The following CAST variants were observed in gnomAD, a reference collection of about 807,000 sequenced individuals.
The protein encoded by CAST is calpastatin, also known as MIR583 host.
In CAST, 76 loss-of-function variants were observed where a neutral mutation model predicts 119.6. The observed-to-expected ratio is 0.64, with a 90% CI of 0.53 to 0.77. CAST has a LOEUF of 0.77. Among genes scored for constraint, CAST ranks in the 30% least tolerant of loss-of-function variants. The probability of loss-of-function intolerance (pLI) is 0.00; values close to 1 mark genes in which losing one functional copy is unlikely to be tolerated. For synonymous variants in CAST, 319 were observed against 331.6 expected, an observed-to-expected ratio of 0.96 and a Z score of 0.41; for missense variants, 953 against 946.5, an observed-to-expected ratio of 1.01 and a Z score of -0.09.
Position 96,741,324 on chromosome 5 carries a change from C to A in CAST, c.977C>A (p.Ser326Ter). 6.2e-7 allele frequency: 1 copy of A among 1,612,554 alleles called. No individual in the cohort carries two copies. Among genetic ancestry groups the A allele is most frequent in the South Asian group, 1.1e-5 (1 of 90,976 alleles). The change falls in exon 14 of 32, where the codon TCG (serine) becomes TAG (stop). Residue 326 changes from serine (S) to a stop codon, truncating the protein, a stop_gained. Transcript: ENST00000675179. LOFTEE classifies it high-confidence loss of function. The part of the protein sequence containing the change: ...DALSSDFTCG[S>*]PTAAGKKTEK... Reference sequence around the variant, plus strand: ...TTGTCATCTGACTTCACCTGTGGGTCGCCTACAGCTGCTGGAAAGAAAACT... The same window carrying A: ...TTGTCATCTGACTTCACCTGTGGGTAGCCTACAGCTGCTGGAAAGAAAACT...
chr5:96,414,213 C>T, the CAST span, among the ~76,000 whole-genome samples: 1 of 151,870 alleles, frequency 6.6e-6, no homozygotes, highest in Non-Finnish European at 1.5e-5. Flanking sequence ...ACCCTCTGTG[C>T]CTCAGTTTCT....
intron 1 of CAST, among the ~76,000 whole-genome samples, chr5:96,618,580 C>T (rs980986416): frequency 1.3e-5 from 2 of 152,388 alleles, no homozygotes; most frequent in East Asian, 1.9e-4. Flanking sequence ...CAGGTGGTTG[C>T]GGGCTTGGCA....
chr5:96,578,028 G>C (rs1412046516), intron 1 of CAST, among the ~76,000 whole-genome samples: 1 of 152,042 alleles, frequency 6.6e-6, no homozygotes, highest in Non-Finnish European at 1.5e-5. Flanking sequence ...CTGAGAGAAG[G>C]GTATGGAAGT....
the CAST span, among the ~76,000 whole-genome samples, chr5:96,139,496 A>G: frequency 6.9e-6 from 1 of 145,270 alleles, no homozygotes; most frequent in Non-Finnish European, 1.5e-5. Flanking sequence ...CTTGTAACAT[A>G]TATATATACA....
intron 1 of CAST, among the ~76,000 whole-genome samples, chr5:96,540,829 T>C (rs1055864993): frequency 6.6e-6 from 1 of 152,216 alleles, no homozygotes; most frequent in African/African-American, 2.4e-5. Flanking sequence ...AACTGCCTGA[T>C]ATTTTTCTCA....
At chr5:96,617,662 G>A (rs1226643129) in intron 1 of CAST, among the ~76,000 whole-genome samples, 5 of 151,438 alleles carry the variant, frequency 3.3e-5, no homozygotes, top group African/African-American at 1.2e-4. Flanking sequence ...CATGGTGGTG[G>A]GTGCCAGTAG....
At chr5:95,987,154 A>G in the CAST span, among the ~76,000 whole-genome samples, 1 of 152,124 alleles carries the variant, frequency 6.6e-6, no homozygotes, top group Admixed American at 6.5e-5. Flanking sequence ...TGGAGCATTT[A>G]TCTATAACTC....
chr5:96,415,133 T>C, the CAST span, among the ~76,000 whole-genome samples: 1 of 152,214 alleles, frequency 6.6e-6, no homozygotes, highest in Non-Finnish European at 1.5e-5. Context: ...GAGACAGTTT[T>C]TTCTTTTCTC....
the CAST span, among the ~76,000 whole-genome samples, chr5:96,351,848 G>A: frequency 4.6e-5 from 7 of 152,270 alleles, no homozygotes; most frequent in South Asian, 1.5e-3. Flanking sequence ...TGGAGAAATT[G>A]GGAGTGCAAA....
chr5:96,555,680 G>A (rs1048552872), intron 1 of CAST, among the ~76,000 whole-genome samples: 1 of 152,196 alleles, frequency 6.6e-6, no homozygotes, highest in Non-Finnish European at 1.5e-5. Flanking sequence ...GCTGACGGAG[G>A]GGTGCCCGCC....
chr5:95,962,996 G>T, the CAST span, among the ~76,000 whole-genome samples: 1 of 152,108 alleles, frequency 6.6e-6, no homozygotes, highest in Non-Finnish European at 1.5e-5. Flanking sequence ...GCCTAATCTG[G>T]AGTCCCTTTC....
chr5:96,364,097 G>T, the CAST span, among the ~76,000 whole-genome samples: 1 of 152,092 alleles, frequency 6.6e-6, no homozygotes, highest in Non-Finnish European at 1.5e-5. Context: ...TAATCATCTG[G>T]TTTTTGTCTT....
chr5:96,421,773 A>T, the CAST span: 1 of 782,890 alleles, frequency 1.3e-6, no homozygotes, highest in Non-Finnish European at 2.3e-6. Flanking sequence ...TTGTGCATTA[A>T]CATTTCCTGA....
chr5:96,673,889 A>T (rs562947849), intron 1 of CAST, among the ~76,000 whole-genome samples: 9 of 152,352 alleles, frequency 5.9e-5, no homozygotes, highest in Non-Finnish European at 1.0e-4. Flanking sequence ...GAAGACCTGT[A>T]GAGGGTTTCA....
chr5:96,155,534 C>G, the CAST span, among the ~76,000 whole-genome samples: 1 of 152,198 alleles, frequency 6.6e-6, no homozygotes, highest in Admixed American at 6.5e-5. Flanking sequence ...GAAACTCTTA[C>G]ATTGGTATTA....
chr5:96,068,266 C>T, the CAST span, among the ~76,000 whole-genome samples: 2 of 152,024 alleles, frequency 1.3e-5, no homozygotes, highest in Admixed American at 1.3e-4. Context: ...GAGATCTAGC[C>T]AAAAGAACCT....
At chr5:96,748,638 C>G in intron 19 of CAST, 25 bp downstream of exon 19, 1 of 1,162,020 alleles carries the variant, frequency 8.6e-7, no homozygotes. Flanking sequence ...ATATAAATCT[C>G]TAGTTTTGAG....
the CAST span, among the ~76,000 whole-genome samples, chr5:96,360,964 C>A: frequency 6.6e-6 from 1 of 152,160 alleles, no homozygotes; most frequent in South Asian, 2.1e-4. Flanking sequence ...TGTGTCCCAG[C>A]CTAATGGGAG....
the CAST span, among the ~76,000 whole-genome samples, chr5:95,998,254 CTTTAAA>C: frequency 6.7e-6 from 1 of 150,164 alleles, no homozygotes; most frequent in African/African-American, 2.5e-5. Flanking sequence ...TTCTTAGTAA[CTTTAAA>C]TTTAAATTTT....
Sources: gnomAD v4.1 joint callset for allele counts (sites outside exome capture counted in the v4.1 genomes callset) on GRCh38, gnomAD v4.1.1 for gene constraint, MANE v1.5 for transcripts, NCBI Gene and HGNC (gene_info 2026-07-23, HGNC 2026-07-21) for gene names.